The following MAST4 variants were observed in gnomAD, a reference collection of about 807,000 sequenced individuals.
MAST4 encodes the protein microtubule-associated serine/threonine-protein kinase 4.
Under a neutral mutation model 162.7 loss-of-function variants are expected in MAST4, and 89 were observed. The observed-to-expected ratio is 0.55, with a 90% CI of 0.46 to 0.65. MAST4 has a LOEUF of 0.65. Ranked by LOEUF, MAST4 falls within the 30% of genes least tolerant of loss-of-function variation. The pLI is 0.00. For synonymous variants in MAST4, 1,479 were observed against 1,361.1 expected, an observed-to-expected ratio of 1.09 and a Z score of -1.91; for missense variants, 3,153 against 3,374.0, an observed-to-expected ratio of 0.93 and a Z score of 1.62.
intron 5 of MAST4, among the ~76,000 whole-genome samples, chr5:67,065,838 C>T (rs1442588790): frequency 5.9e-5 from 9 of 152,146 alleles, no homozygotes; most frequent in African/African-American, 1.9e-4. Flanking sequence ...TCTACAAAAG[C>T]CGTGTAAACT....
At chr5:66,618,417 G>A (rs1460255959) in intron 1 of MAST4, among the ~76,000 whole-genome samples, 1 of 152,202 alleles carries the variant, frequency 6.6e-6, no homozygotes, top group African/African-American at 2.4e-5. Flanking sequence ...CTCCCTCAGT[G>A]TAACAAAGGA....
At chr5:66,696,145 G>A (rs1219986179) in intron 1 of MAST4, among the ~76,000 whole-genome samples, 8 of 152,016 alleles carry the variant, frequency 5.3e-5, no homozygotes, top group Non-Finnish European at 1.0e-4. Context: ...AGTGGGAGCT[G>A]AACAATGAGA....
chr5:66,880,982 T>C (rs964525734), intron 3 of MAST4, among the ~76,000 whole-genome samples: 5 of 152,224 alleles, frequency 3.3e-5, no homozygotes, highest in Non-Finnish European at 7.3e-5. Flanking sequence ...ACTGTTTTAT[T>C]TCTGTTGTAA....
intron 19 of MAST4, among the ~76,000 whole-genome samples, chr5:67,138,104 C>T (rs1051689629): frequency 6.6e-6 from 1 of 152,170 alleles, no homozygotes; most frequent in Non-Finnish European, 1.5e-5. Flanking sequence ...GTTTAAATCT[C>T]GGCTGTATGA....
At chr5:66,668,837 C>T (rs1319850366) in intron 1 of MAST4, among the ~76,000 whole-genome samples, 1 of 152,138 alleles carries the variant, frequency 6.6e-6, no homozygotes, top group Non-Finnish European at 1.5e-5. Flanking sequence ...TGGGAGGAAA[C>T]CTGGCTTTGA....
intron 19 of MAST4, among the ~76,000 whole-genome samples, chr5:67,140,829 C>A (rs141478797): frequency 6.6e-6 from 1 of 152,186 alleles, no homozygotes; most frequent in Non-Finnish European, 1.5e-5. Context: ...AGTCAGACTT[C>A]AGTATTTTGC....
chr5:66,982,313 AC>A (rs1429300960), intron 4 of MAST4, among the ~76,000 whole-genome samples: 1 of 152,100 alleles, frequency 6.6e-6, no homozygotes, highest in Non-Finnish European at 1.5e-5. Context: ...ACTTAGGGAG[AC>A]TAAAGTCGAT....
intron 4 of MAST4, among the ~76,000 whole-genome samples, chr5:67,002,200 A>G (rs1751378508): frequency 6.6e-6 from 1 of 152,196 alleles, no homozygotes; most frequent in South Asian, 2.1e-4. Flanking sequence ...TTCCAGCTAC[A>G]TGATATAGAT....
intron 5 of MAST4, among the ~76,000 whole-genome samples, chr5:67,072,001 G>A (rs1561610218): frequency 1.3e-5 from 2 of 152,094 alleles, no homozygotes; most frequent in African/African-American, 4.8e-5. Context: ...GAGGCATGGG[G>A]GAGGAAATAA....
intron 2 of MAST4, among the ~76,000 whole-genome samples, chr5:66,779,707 G>A (rs941139388): frequency 6.6e-6 from 1 of 152,166 alleles, no homozygotes; most frequent in Admixed American, 6.5e-5. Context: ...AGGACTATGA[G>A]GGAAGAAATG....
intron 1 of MAST4, among the ~76,000 whole-genome samples, chr5:66,677,460 A>G (rs866912090): frequency 1.3e-5 from 2 of 152,118 alleles, no homozygotes; most frequent in African/African-American, 4.8e-5. Context: ...TCCATTTTGC[A>G]TTTGCTCAAA....
intron 3 of MAST4, among the ~76,000 whole-genome samples, chr5:66,843,577 A>G (rs374042238): frequency 6.6e-6 from 1 of 152,200 alleles, no homozygotes; most frequent in Non-Finnish European, 1.5e-5. Context: ...GAGGCTGAGT[A>G]TCCGGCATTA....
rs1297911731 is a variant in MAST4 at position 66,675,206 on chromosome 5, C to T, written c.363+78188C>T. On this transcript the variant is annotated intron_variant, in intron 1 of 28. Transcript: ENST00000403625. ...GCTGCCTGTGTTCTGTGAGACTGTA[C>T]ATGTGTTTAGCTTCCTTTTTACCTT... Among the ~76,000 whole-genome samples, 3 of 152,220 alleles carry T rather than the reference C, an allele frequency of 2.0e-5. No homozygotes were observed. In the East Asian group the frequency reaches 5.8e-4, roughly 29 times the overall value.
intron 1 of MAST4, among the ~76,000 whole-genome samples, chr5:66,748,419 T>C (rs531678648): frequency 0.097 from 260 of 2,688 alleles, no homozygotes; most frequent in African/African-American, 0.23. Context: ...CTTCCTCCCT[T>C]CCTTCCTCCC....
chr5:67,068,300 T>C (rs1429064115), intron 5 of MAST4, among the ~76,000 whole-genome samples: 1 of 152,070 alleles, frequency 6.6e-6, no homozygotes, highest in Non-Finnish European at 1.5e-5. Flanking sequence ...AAAGGAGAGG[T>C]TTAATTGACT....
chr5:67,005,919 T>C (rs1052640504), intron 4 of MAST4, among the ~76,000 whole-genome samples: 3 of 152,244 alleles, frequency 2.0e-5, no homozygotes, highest in Admixed American at 2.0e-4. Context: ...TGAACATGCA[T>C]GAGAGCAACT....
intron 14 of MAST4, among the ~76,000 whole-genome samples, chr5:67,127,368 G>A (rs969725074): frequency 6.6e-6 from 1 of 152,106 alleles, no homozygotes; most frequent in Admixed American, 6.5e-5. Flanking sequence ...TTGGCTGTGG[G>A]TTTGTCATAA....
Position 67,165,580 on chromosome 5 carries a change from C to T in MAST4, c.6401C>T (p.Pro2134Leu). Residue 2134 changes from proline to leucine, a missense_variant, in exon 29 of 29, where the codon CCT becomes CTT. Coordinates refer to ENST00000403625, the MANE Select transcript of MAST4 (RefSeq NM_001164664.2). Reference protein sequence around the residue: ...QPLQRHPSSIPPPPLTAKDLS... With the variant: ...QPLQRHPSSILPPPLTAKDLS... ...CTACAAAGGCATCCCAGCAGCATCC[C>T]TCCGCCCCCTCTGACGGCCAAAGAC... The T allele has an allele frequency of 1.2e-6, 2 of 1,613,882 alleles. No individual in the cohort carries two copies. Among genetic ancestry groups the T allele is most frequent in the South Asian group, 2.2e-5 (2 of 91,044 alleles).
intron 5 of MAST4, among the ~76,000 whole-genome samples, chr5:67,056,811 C>G (rs1207644911): frequency 6.6e-6 from 1 of 152,146 alleles, no homozygotes; most frequent in Non-Finnish European, 1.5e-5. Context: ...ATTCTCATGC[C>G]TCAGCCTCCT....
Sources: gnomAD v4.1 joint callset for allele counts (sites outside exome capture counted in the v4.1 genomes callset) on GRCh38, gnomAD v4.1.1 for gene constraint, MANE v1.5 for transcripts, NCBI Gene and HGNC (gene_info 2026-07-23, HGNC 2026-07-21) for gene names.